CCDC178: variants seen among roughly 807,000 people sequenced by gnomAD.
CCDC178 encodes coiled-coil domain containing 178.
Under a neutral mutation model 117.4 loss-of-function variants are expected in CCDC178, and 126 were observed. That is an observed-to-expected ratio of 1.07 (90% CI 0.93 to 1.24). The LOEUF is 1.24. Among genes scored for constraint, CCDC178 ranks in the 50% most tolerant of loss-of-function variants. CCDC178 has a pLI of 0.00. For missense variants in CCDC178, 1,030 were observed against 986.9 expected, an observed-to-expected ratio of 1.04 and a Z score of -0.59; for synonymous variants, 283 against 313.4, an observed-to-expected ratio of 0.90 and a Z score of 1.02.
In CCDC178 at chr18:32,937,978, T is replaced by C. The variant is rs371421933; in HGVS notation, c.*33A>G. ...GAACTGTGTGACTTTTCTTGTCTTT[T>C]ATTTCAGCATCCAAGATACATTGGT... On this transcript the variant is annotated 3_prime_UTR_variant, in exon 23 of 23. Transcript: ENST00000383096. 18 of 1,515,578 alleles carry C rather than the reference T, an allele frequency of 1.2e-5. No homozygotes were observed. The South Asian group carries it at 1.8e-4, about 15-fold the overall frequency. 93.9% of individuals were successfully genotyped at this position (1,515,578 alleles called of 1,614,324 possible).
chr18:33,419,456 T>C (rs566086087), intron 2 of CCDC178, among the ~76,000 whole-genome samples: 13 of 152,260 alleles, frequency 8.5e-5, no homozygotes, highest in African/African-American at 2.9e-4. Context: ...ACTAAAGAGA[T>C]TCTGCATAGC....
chr18:33,232,832 T>A (rs1165619127), intron 15 of CCDC178, among the ~76,000 whole-genome samples: 1 of 152,172 alleles, frequency 6.6e-6, no homozygotes, highest in African/African-American at 2.4e-5. Flanking sequence ...GTAGAGTCAG[T>A]CTAACAAGAT....
intron 3 of CCDC178, among the ~76,000 whole-genome samples, chr18:33,402,021 G>T (rs2063715536): frequency 6.6e-6 from 1 of 152,068 alleles, no homozygotes; most frequent in Non-Finnish European, 1.5e-5. Flanking sequence ...TGGTAATACT[G>T]ATAAACAGTT....
chr18:32,968,274 A>G (rs1183890250), intron 22 of CCDC178, among the ~76,000 whole-genome samples: 1 of 151,954 alleles, frequency 6.6e-6, no homozygotes, highest in African/African-American at 2.4e-5. Flanking sequence ...GACTTATTTT[A>G]CCTAACATGA....
At chr18:33,412,478 AT>A (rs1162118880) in intron 2 of CCDC178, among the ~76,000 whole-genome samples, 1 of 6,878 alleles carries the variant, frequency 1.5e-4, no homozygotes, top group East Asian at 0.056. Context: ...ACTACCATCT[AT>A]CTCTTCTTTA....
chr18:33,167,567 G>A (rs1292636901), intron 20 of CCDC178, among the ~76,000 whole-genome samples: 1 of 151,948 alleles, frequency 6.6e-6, no homozygotes, highest in Non-Finnish European at 1.5e-5. Flanking sequence ...GTCTTCTTTT[G>A]AAAAGTGCCT....
chr18:33,409,390 A>T (rs2063821662), intron 3 of CCDC178, among the ~76,000 whole-genome samples: 1 of 152,132 alleles, frequency 6.6e-6, no homozygotes, highest in Admixed American at 6.6e-5. Context: ...TGGCCCCATT[A>T]ATTATTTTTA....
chr18:33,430,466 T>C (rs2064196595), intron 2 of CCDC178, among the ~76,000 whole-genome samples: 1 of 152,210 alleles, frequency 6.6e-6, no homozygotes, highest in African/African-American at 2.4e-5. Flanking sequence ...CAGGACCATG[T>C]AATTGGAATT....
chr18:33,419,817 C>G (rs560813218), intron 2 of CCDC178, among the ~76,000 whole-genome samples: 34 of 152,034 alleles, frequency 2.2e-4, no homozygotes, highest in Non-Finnish European at 3.5e-4. Flanking sequence ...AAAGGAAACG[C>G]TTATGCATTA....
chr18:33,001,319 A>G (rs1048539632), intron 21 of CCDC178, among the ~76,000 whole-genome samples: 2 of 152,090 alleles, frequency 1.3e-5, no homozygotes, highest in Non-Finnish European at 2.9e-5. Context: ...GGAGATTGAG[A>G]CAATCCTAGC....
chr18:32,938,215 C>T, intron 22 of CCDC178, 124 bp from the exon 23 acceptor site: 1 of 675,196 alleles, frequency 1.5e-6, no homozygotes, highest in Non-Finnish European at 2.6e-6. Flanking sequence ...AACACCATTA[C>T]ATTCTCCTTT....
chr18:33,139,759 A>G (rs927367244), intron 20 of CCDC178, among the ~76,000 whole-genome samples: 1 of 152,196 alleles, frequency 6.6e-6, no homozygotes, highest in Non-Finnish European at 1.5e-5. Context: ...ATGCAAAAAG[A>G]AAAACCCATT....
intron 12 of CCDC178, among the ~76,000 whole-genome samples, chr18:33,274,540 T>C (rs1195153672): frequency 6.6e-6 from 1 of 151,896 alleles, no homozygotes; most frequent in Non-Finnish European, 1.5e-5. Flanking sequence ...CAAAATGTAA[T>C]GTACTTAGAA....
intron 11 of CCDC178, among the ~76,000 whole-genome samples, chr18:33,294,724 T>C (rs1005816321): frequency 1.3e-5 from 2 of 152,196 alleles, no homozygotes; most frequent in Admixed American, 1.3e-4. Flanking sequence ...TCAAAATGTG[T>C]AAGTTTGATT....
chr18:33,219,469 A>T (rs1232953870), intron 18 of CCDC178, among the ~76,000 whole-genome samples: 2 of 152,198 alleles, frequency 1.3e-5, no homozygotes, highest in African/African-American at 2.4e-5. Flanking sequence ...ATAAAGACAC[A>T]TTCACACGTA....
chr18:33,118,504 C>G (rs894195133), intron 20 of CCDC178, among the ~76,000 whole-genome samples: 1 of 152,066 alleles, frequency 6.6e-6, no homozygotes, highest in Non-Finnish European at 1.5e-5. Flanking sequence ...AGAAGGACCT[C>G]TTCAAGAACT....
intron 11 of CCDC178, among the ~76,000 whole-genome samples, chr18:33,303,051 T>C (rs774586309): frequency 6.6e-6 from 1 of 152,210 alleles, no homozygotes; most frequent in Non-Finnish European, 1.5e-5. Context: ...TTTGTGATAA[T>C]AGATATGCCA....
intron 20 of CCDC178, among the ~76,000 whole-genome samples, chr18:33,126,997 A>AAAAAATAT (rs71266914): frequency 7.1e-6 from 1 of 141,186 alleles, no homozygotes; most frequent in African/African-American, 2.7e-5. Context: ...AAAAAAAAAA[A>AAAAAATAT]ATATATATAT....
intron 20 of CCDC178, among the ~76,000 whole-genome samples, chr18:33,143,039 A>C (rs2058226641): frequency 6.6e-6 from 1 of 152,156 alleles, no homozygotes; most frequent in Non-Finnish European, 1.5e-5. Flanking sequence ...CACGGGTTAC[A>C]GAAAACATGG....
Sources: gnomAD v4.1 joint callset for allele counts (sites outside exome capture counted in the v4.1 genomes callset) on GRCh38, gnomAD v4.1.1 for gene constraint, MANE v1.5 for transcripts, NCBI Gene and HGNC (gene_info 2026-07-23, HGNC 2026-07-21) for gene names.